The following TAS2R1 variants were observed in gnomAD, a reference collection of about 807,000 sequenced individuals.
TAS2R1 encodes the protein taste receptor type 2 member 1.
For missense variants in TAS2R1, 370 were observed against 353.4 expected, an observed-to-expected ratio of 1.05 and a Z score of -0.38; for synonymous variants, 141 against 134.2, an observed-to-expected ratio of 1.05 and a Z score of -0.35.
chr5:9,655,298 C>A (rs1172830674), intron 2 of TAS2R1, among the ~76,000 whole-genome samples: 2 of 151,878 alleles, frequency 1.3e-5, no homozygotes, highest in Non-Finnish European at 2.9e-5. Flanking sequence ...TTATGTATCT[C>A]AATAAAAATT....
the TAS2R1 span, among the ~76,000 whole-genome samples, chr5:9,724,942 C>G: frequency 6.6e-6 from 1 of 152,216 alleles, no homozygotes; most frequent in East Asian, 1.9e-4. Flanking sequence ...GCATTAAGCC[C>G]TGGAAATACT....
At chr5:9,794,461 T>C in the TAS2R1 span, among the ~76,000 whole-genome samples, 5 of 152,198 alleles carry the variant, frequency 3.3e-5, no homozygotes, top group Admixed American at 3.3e-4. Flanking sequence ...CTTAAGTGAA[T>C]TGTATTTGTT....
chr5:9,630,072 T>C lies in TAS2R1; in HGVS notation c.-40A>G, dbSNP rs758075641. On this transcript the variant is annotated 5_prime_UTR_variant, in exon 1 of 1. It removes the in-frame stop codon of an upstream open reading frame in the 5' UTR. Transcript: ENST00000382492. ...ATTATTTACTTAAAAAATAATGAAG[T>C]TATAAAGTTTTGGACAGGTTGGGTT... 1.1e-5 allele frequency: 17 copies of C among 1,482,682 alleles called. No homozygotes were observed. In the East Asian group the frequency reaches 4.2e-4, roughly 36 times the overall value. The allele number at this position is 1,482,682 out of a possible 1,614,324, so 91.8% of individuals were successfully genotyped here.
intron 1 of TAS2R1, among the ~76,000 whole-genome samples, chr5:9,686,758 T>A (rs1181190885): frequency 6.6e-6 from 1 of 152,180 alleles, no homozygotes; most frequent in African/African-American, 2.4e-5. Context: ...CAAAATTTTC[T>A]TTTCAAAAAA....
At chr5:9,701,588 A>G (rs1162362998) in intron 1 of TAS2R1, among the ~76,000 whole-genome samples, 1 of 152,232 alleles carries the variant, frequency 6.6e-6, no homozygotes, top group Non-Finnish European at 1.5e-5. Flanking sequence ...GACATGAACT[A>G]AAGGAAATCT....
the TAS2R1 span, among the ~76,000 whole-genome samples, chr5:9,768,350 TA>T: frequency 6.6e-6 from 1 of 152,190 alleles, no homozygotes; most frequent in Admixed American, 6.5e-5. Flanking sequence ...CTCTCCTCCC[TA>T]AAGCCTCTCA....
intron 2 of TAS2R1, among the ~76,000 whole-genome samples, chr5:9,643,688 T>C (rs1048658669): frequency 1.3e-5 from 2 of 152,228 alleles, no homozygotes; most frequent in African/African-American, 4.8e-5. Context: ...ACCACCATTG[T>C]ATATGCAGTC....
In TAS2R1 at chr5:9,697,285, T is replaced by A. The variant is rs148943762; in HGVS notation, c.-242+14887A>T. ...TCAAAAATACAAAATTTTGTTCACG[T>A]TCAAAATACTGCATCTGATATCTAG... On this transcript the variant is annotated intron_variant, in intron 1 of 2. Coordinates refer to the TAS2R1 transcript ENST00000506620. Among the ~76,000 whole-genome samples the A allele has an allele frequency of 8.3e-3, 1,263 of 152,186 alleles. 17 individuals carry two copies. Among genetic ancestry groups the A allele is most frequent in the South Asian group, 0.014 (69 of 4,822 alleles).
At chr5:9,679,704 GAT>G (rs1740957542) in intron 1 of TAS2R1, among the ~76,000 whole-genome samples, 2 of 152,178 alleles carry the variant, frequency 1.3e-5, no homozygotes, top group African/African-American at 4.8e-5. Context: ...AGGCTAGAAT[GAT>G]ATATGTGGAA....
At chr5:9,858,275 G>A in the TAS2R1 span, among the ~76,000 whole-genome samples, 15 of 152,118 alleles carry the variant, frequency 9.9e-5, no homozygotes, top group Admixed American at 3.9e-4. Context: ...CAGAGGGACC[G>A]GCCTGGAGTC....
At chr5:9,838,816 C>G in the TAS2R1 span, among the ~76,000 whole-genome samples, 3 of 152,160 alleles carry the variant, frequency 2.0e-5, no homozygotes, top group Non-Finnish European at 4.4e-5. Flanking sequence ...TCATCTTCAA[C>G]GCTGGAAATG....
the TAS2R1 span, among the ~76,000 whole-genome samples, chr5:9,743,981 G>C: frequency 6.6e-6 from 1 of 152,100 alleles, no homozygotes; most frequent in African/African-American, 2.4e-5. Context: ...ACAATTTAAA[G>C]CCAAATGTAT....
the TAS2R1 span, among the ~76,000 whole-genome samples, chr5:9,784,092 C>T: frequency 2.0e-5 from 3 of 152,192 alleles, no homozygotes; most frequent in Non-Finnish European, 4.4e-5. Context: ...ACTTAAAGAA[C>T]ACAGGATGGT....
the TAS2R1 span, among the ~76,000 whole-genome samples, chr5:9,846,523 T>C: frequency 6.6e-6 from 1 of 152,182 alleles, no homozygotes; most frequent in Non-Finnish European, 1.5e-5. Flanking sequence ...ACAGAGACCA[T>C]TTGAAATAAC....
At chr5:9,694,027 CT>C (rs927550136) in intron 1 of TAS2R1, among the ~76,000 whole-genome samples, 38 of 152,232 alleles carry the variant, frequency 2.5e-4, no homozygotes, top group Admixed American at 7.2e-4. Context: ...AGTTTTTCCC[CT>C]GAGAGATATC....
intron 2 of TAS2R1, among the ~76,000 whole-genome samples, chr5:9,657,676 A>G (rs1246956836): frequency 6.6e-6 from 1 of 152,228 alleles, no homozygotes; most frequent in Non-Finnish European, 1.5e-5. Flanking sequence ...TTTCAGGAAC[A>G]TGAAGTTCCT....
At chr5:9,660,717 GA>G (rs1323659261) in intron 1 of TAS2R1, among the ~76,000 whole-genome samples, 1 of 152,108 alleles carries the variant, frequency 6.6e-6, no homozygotes, top group Admixed American at 6.5e-5. Flanking sequence ...CTTGAGATGG[GA>G]AAAAAATGAC....
chr5:9,656,606 T>C (rs1019751227), intron 2 of TAS2R1, among the ~76,000 whole-genome samples: 15 of 152,170 alleles, frequency 9.9e-5, no homozygotes, highest in African/African-American at 3.4e-4. Flanking sequence ...CCCAGCCACG[T>C]TGGAGAGGGC....
chr5:9,765,504 A>G, the TAS2R1 span: 1 of 152,174 alleles, frequency 6.6e-6, no homozygotes, highest in Non-Finnish European at 1.5e-5. Context: ...TCAAAAAAAA[A>G]AAAAATCCAC....
Sources: allele counts gnomAD v4.1 joint callset (sites outside exome capture counted in the v4.1 genomes callset), GRCh38; gene constraint gnomAD v4.1.1; transcripts MANE v1.5; gene names NCBI Gene and HGNC (gene_info 2026-07-23, HGNC 2026-07-21).